HSPA12A: variants seen among roughly 807,000 people sequenced by gnomAD.
The protein encoded by HSPA12A is heat shock 70 kDa protein 12A.
Under a neutral mutation model 69.2 loss-of-function variants are expected in HSPA12A, and 28 were observed. The observed-to-expected ratio is 0.40, with a 90% CI of 0.30 to 0.55. The LOEUF (loss-of-function observed/expected upper bound fraction) is 0.55, where lower values mean the gene tolerates loss of function less well. Ranked by LOEUF, HSPA12A falls within the 20% of genes least tolerant of loss-of-function variation. HSPA12A has a pLI of 0.38. For missense variants in HSPA12A, 686 were observed against 900.7 expected (o/e 0.76, Z 3.05); for synonymous variants, 345 against 370.5 (o/e 0.93, Z 0.79).
At chr10:116,805,503 A>G (rs182500932) in intron 2 of HSPA12A, among the ~76,000 whole-genome samples, 91 of 152,278 alleles carry the variant, frequency 6.0e-4, no homozygotes, top group African/African-American at 2.1e-3. Flanking sequence ...ACACAGAAAC[A>G]CTACTTAAAA....
At chr10:116,679,397 C>A (rs1589620252) in intron 10 of HSPA12A, 106 bp downstream of exon 10, 2 of 1,372,620 alleles carry the variant, frequency 1.5e-6, no homozygotes, top group East Asian at 2.3e-5. Context: ...GGTCATACAG[C>A]AAGTGTGTAG....
intron 2 of HSPA12A, among the ~76,000 whole-genome samples, chr10:116,802,328 C>A (rs1428197263): frequency 1.3e-5 from 2 of 152,186 alleles, no homozygotes; most frequent in Admixed American, 6.5e-5. Flanking sequence ...ATTGGTGATG[C>A]ACTGCTAAGC....
intron 1 of HSPA12A, among the ~76,000 whole-genome samples, chr10:116,726,502 TCTCTGATATCACTACCTACCACCCCC>T (rs1370712240): frequency 6.6e-6 from 1 of 151,322 alleles, no homozygotes; most frequent in Admixed American, 6.6e-5. Flanking sequence ...CCTTGCTGGG[TCTCTGATATCACTACCTACCACCCCC>T]CTTGTGAGTG....
At chr10:116,841,676 G>A (rs1336035416) in intron 1 of HSPA12A, among the ~76,000 whole-genome samples, 2 of 151,992 alleles carry the variant, frequency 1.3e-5, no homozygotes, top group Non-Finnish European at 2.9e-5. Flanking sequence ...ATCAATACAG[G>A]TAAATTTGCC....
chr10:116,726,027 G>GCGCACACACACACA (rs140160132), intron 1 of HSPA12A, among the ~76,000 whole-genome samples: 16 of 146,112 alleles, frequency 1.1e-4, no homozygotes, highest in African/African-American at 3.1e-4. Flanking sequence ...ACACACACAC[G>GCGCACACACACACA]CACACACACA....
chr10:116,815,312 A>G (rs536933537), intron 2 of HSPA12A, among the ~76,000 whole-genome samples: 1 of 151,802 alleles, frequency 6.6e-6, no homozygotes, highest in East Asian at 1.9e-4. Flanking sequence ...CATGCCTGCA[A>G]TCCCACACTT....
At chr10:116,796,691 G>A (rs1046905242) in intron 2 of HSPA12A, among the ~76,000 whole-genome samples, 3 of 152,078 alleles carry the variant, frequency 2.0e-5, no homozygotes, top group African/African-American at 7.2e-5. Flanking sequence ...GCTGAGCCCC[G>A]GGGCAGAGAT....
At chr10:116,844,932 T>A (rs1176769741) in intron 1 of HSPA12A, among the ~76,000 whole-genome samples, 1 of 152,234 alleles carries the variant, frequency 6.6e-6, no homozygotes, top group Non-Finnish European at 1.5e-5. Context: ...CTTTTTGAAA[T>A]GCAGACTGAA....
chr10:116,715,332 C>A (rs1850573336), intron 1 of HSPA12A, among the ~76,000 whole-genome samples: 1 of 152,194 alleles, frequency 6.6e-6, no homozygotes, highest in African/African-American at 2.4e-5. Flanking sequence ...GTGGATGGAC[C>A]TTTAGTGGAT....
chr10:116,732,502 C>T (rs971541249), intron 1 of HSPA12A, among the ~76,000 whole-genome samples: 3 of 152,034 alleles, frequency 2.0e-5, no homozygotes, highest in Non-Finnish European at 2.9e-5. Context: ...TTACCTGCAA[C>T]CAAAATCCCT....
At chr10:116,815,594 A>G (rs1207027230) in intron 2 of HSPA12A, among the ~76,000 whole-genome samples, 2 of 152,170 alleles carry the variant, frequency 1.3e-5, no homozygotes. Context: ...AATAAGTAAA[A>G]TAAACAAATA....
rs570479946 is a variant in HSPA12A, at chr10:116,723,673, C to T, written c.41-16388G>A. Among the ~76,000 whole-genome samples the T allele has an allele frequency of 3.7e-4, 57 of 152,308 alleles. No homozygotes were observed. Among genetic ancestry groups the T allele is most frequent in the African/African-American group, 1.3e-3 (55 of 41,562 alleles). On this transcript the variant is annotated intron_variant, in intron 1 of 11. Transcript: ENST00000369209. The surrounding 1 kb of genome is among the most constrained non-coding windows in gnomAD (Gnocchi z 4.1). ...CTCCCCTGACATTCATTCCTGAGAC[C>T]CACTGCGCACACGTGCTGAGGTTTT...
intron 2 of HSPA12A, among the ~76,000 whole-genome samples, chr10:116,777,497 C>A (rs1381552338): frequency 6.6e-6 from 1 of 152,200 alleles, no homozygotes; most frequent in Non-Finnish European, 1.5e-5. Context: ...TTCCCAAGAG[C>A]CTGCCACTCA....
chr10:116,734,273 A>G (rs1851244161), intron 1 of HSPA12A, among the ~76,000 whole-genome samples: 1 of 152,030 alleles, frequency 6.6e-6, no homozygotes, highest in African/African-American at 2.4e-5. Context: ...AACATGGTGA[A>G]ACTCTGCCTC....
chr10:116,728,320 T>TA (rs1298561269), intron 1 of HSPA12A, among the ~76,000 whole-genome samples: 1 of 20,516 alleles, frequency 4.9e-5, no homozygotes, highest in East Asian at 1.1e-3. Flanking sequence ...CATTTTCTAC[T>TA]AATGATATTC....
At position 116,673,078 on chromosome 10, in the gene HSPA12A, T is replaced by C. The variant is rs1849130496; in HGVS notation, c.*1703A>G. 1.3e-5 allele frequency: 2 copies of C among 152,644 alleles called. No homozygotes were observed. The highest frequency in any genetic ancestry group is 2.9e-5 in the Non-Finnish European group (2 of 68,036). 9.5% of individuals were successfully genotyped at this position (152,644 alleles called of 1,614,324 possible). A position where few individuals can be genotyped will look rare whatever the true frequency, so the allele number is the denominator to read the frequency against. ...TGGAAGTTCACTCATTCTCCATTCA[T>C]TATGCATGCCTCCAGTGATTTAATG... On this transcript the variant is annotated 3_prime_UTR_variant, in exon 12 of 12. Coordinates refer to ENST00000369209, the MANE Select transcript of HSPA12A (RefSeq NM_025015.3).
At chr10:116,738,567 C>T (rs1851382878) in intron 1 of HSPA12A, among the ~76,000 whole-genome samples, 1 of 152,090 alleles carries the variant, frequency 6.6e-6, no homozygotes, top group East Asian at 1.9e-4. Context: ...ATAATAATGC[C>T]AGCCTCACAG....
intron 2 of HSPA12A, among the ~76,000 whole-genome samples, chr10:116,760,327 G>A (rs542212406): frequency 6.6e-6 from 1 of 152,076 alleles, no homozygotes; most frequent in Non-Finnish European, 1.5e-5. Flanking sequence ...CAAGGGCACC[G>A]AGAGCTCCCT....
At chr10:116,747,178 T>A (rs1851667563), upstream of HSPA12A, among the ~76,000 whole-genome samples, 1 of 152,154 alleles carries the variant, frequency 6.6e-6, no homozygotes, top group South Asian at 2.1e-4. Context: ...TCCATTAACA[T>A]TCCAAAACAA....
Sources: gnomAD v4.1 joint callset for allele counts (sites outside exome capture counted in the v4.1 genomes callset) on GRCh38, gnomAD v4.1.1 for gene constraint, Gnocchi (gnomAD v3.1) non-coding constraint, MANE v1.5 for transcripts, NCBI Gene and HGNC (gene_info 2026-07-23, HGNC 2026-07-21) for gene names.